The following FGF14 variants were observed in gnomAD, a reference collection of about 807,000 sequenced individuals.
FGF14 encodes fibroblast growth factor 14.
Under a neutral mutation model 25.5 loss-of-function variants are expected in FGF14, and 5 were observed. The ratio of observed to expected loss-of-function variants is 0.20; its 90% CI spans 0.10 to 0.41. The LOEUF is 0.41. FGF14 is among the 10% of genes least tolerant of loss of function. FGF14 has a pLI of 1.00. For synonymous variants in FGF14, 138 were observed against 118.3 expected (o/e 1.17, Z -1.08); for missense variants, 222 against 320.1 (o/e 0.69, Z 2.34).
Position 102,400,936 on chromosome 13 carries a change from G to A in FGF14, c.208+535C>T, listed in dbSNP as rs1009432986. ...TGCTCGGGCACCCGGAGCTGGACGG[G>A]GGAGGGACGCGGGGGCTGACGGAGG... On this transcript the variant is annotated intron_variant, in intron 1 of 4. Transcript: ENST00000376131. This position sits in a 1 kb window ranked among gnomAD's most constrained non-coding sequence, Gnocchi z 4.3. Among the ~76,000 whole-genome samples the A allele has an allele frequency of 6.6e-6, 1 of 152,138 alleles. No individual in the cohort carries two copies. The highest frequency in any genetic ancestry group is 1.5e-5 in the Non-Finnish European group (1 of 68,038).
In FGF14 at chr13:102,340,799, T is replaced by A. The variant is rs144729486; in HGVS notation, c.208+60672A>T. 8.1e-3 allele frequency among the ~76,000 whole-genome samples: 1,236 copies of A among 152,308 alleles called. 19 individuals are homozygous for A. The highest frequency in any genetic ancestry group is 0.028 in the African/African-American group (1,160 of 41,552). On this transcript the variant is annotated intron_variant, in intron 1 of 4. Coordinates refer to the FGF14 transcript ENST00000376131. The stretch of plus-strand genomic sequence containing the variant: ...CCATGATGAATGTACTTTCGTGGGC[T>A]TTCAGAGTTTGTAATAAAATGGCAA...
intron 3 of FGF14, among the ~76,000 whole-genome samples, chr13:101,745,634 A>G (rs1424839523): frequency 6.6e-6 from 1 of 152,092 alleles, no homozygotes; most frequent in Non-Finnish European, 1.5e-5. Context: ...AAGTAGGTCT[A>G]TTTAACTTAG....
intron 3 of FGF14, among the ~76,000 whole-genome samples, chr13:101,823,275 C>CAG (rs58201635): frequency 0.62 from 94,100 of 150,894 alleles, 29,391 homozygotes; most frequent in South Asian, 0.7. Context: ...GAGGAATTGA[C>CAG]ATTGTTTTCA....
intron 3 of FGF14, chr13:101,801,812 C>A: frequency 5.3e-6 from 1 of 189,906 alleles, no homozygotes; most frequent in South Asian, 1.0e-4. Flanking sequence ...TAGCTCAATG[C>A]TGGAGAGCAC....
In FGF14 at chr13:101,714,610, C is replaced by G. The variant is rs1291458132; in HGVS notation, c.*8221G>C. On this transcript the variant is annotated 3_prime_UTR_variant, in exon 5 of 5. Coordinates refer to ENST00000376143, the MANE Select transcript of FGF14 (RefSeq NM_004115.4). The stretch of plus-strand genomic sequence containing the variant: ...CACAGTTTGTTATAGAGCCAAGAGA[C>G]ACTCGTCATGCAATGCTTTAGGTGG... 2 of 1,014,180 alleles carry G rather than the reference C, an allele frequency of 2.0e-6. No individual in the cohort carries two copies. The highest frequency in any genetic ancestry group is 3.2e-5 in the African/African-American group (2 of 63,364). The allele number at this position is 1,014,180 out of a possible 1,614,324, so 62.8% of individuals were successfully genotyped here.
At chr13:101,871,915 C>T (rs2045113965) in intron 2 of FGF14, among the ~76,000 whole-genome samples, 1 of 151,746 alleles carries the variant, frequency 6.6e-6, no homozygotes, top group East Asian at 2.0e-4. Context: ...TGCTACTTTT[C>T]CTTCCCAGAG....
At chr13:101,777,640 G>A (rs1164272332) in intron 3 of FGF14, among the ~76,000 whole-genome samples, 2 of 152,146 alleles carry the variant, frequency 1.3e-5, no homozygotes, top group African/African-American at 4.8e-5. Context: ...TCTGCTATGT[G>A]CAGGAGAAAG....
In FGF14 at chr13:101,715,210, G is replaced by A; in HGVS notation, c.*7621C>T. On this transcript the variant is annotated 3_prime_UTR_variant, in exon 5 of 5. Transcript: ENST00000376143. The stretch of plus-strand genomic sequence containing the variant: ...ACTCTCTTCACGGATTACTTGGCCT[G>A]CCTCATGTTATGTCAAAGAGCCTTA... 5.0e-6 allele frequency: 1 copy of A among 200,816 alleles called. No homozygotes were observed. The highest frequency in any genetic ancestry group is 2.3e-5 in the African/African-American group (1 of 42,938). The allele number at this position is 200,816 out of a possible 1,614,324, so 12.4% of individuals were successfully genotyped here.
intron 1 of FGF14, among the ~76,000 whole-genome samples, chr13:102,123,117 C>G (rs1404813512): frequency 6.6e-6 from 1 of 152,146 alleles, no homozygotes; most frequent in African/African-American, 2.4e-5. Flanking sequence ...TAAGAATGAG[C>G]TGATTAAGAA....
chr13:102,322,517 A>T (rs556026920), intron 1 of FGF14, among the ~76,000 whole-genome samples: 1 of 151,956 alleles, frequency 6.6e-6, no homozygotes, highest in South Asian at 2.1e-4. Context: ...TACTGATTGG[A>T]CTCCTAAGAT....
At chr13:101,745,322 C>A (rs1447510309) in intron 3 of FGF14, among the ~76,000 whole-genome samples, 3 of 152,022 alleles carry the variant, frequency 2.0e-5, no homozygotes, top group Admixed American at 1.3e-4. Context: ...GAGTGGTATA[C>A]TTGTTGCAAT....
intron 1 of FGF14, among the ~76,000 whole-genome samples, chr13:101,934,947 C>G (rs1414131328): frequency 6.6e-6 from 1 of 152,068 alleles, no homozygotes; most frequent in African/African-American, 2.4e-5. Context: ...GTGTATAATA[C>G]AGTGTTGTTA....
At chr13:102,351,413 T>C (rs2057275969) in intron 1 of FGF14, among the ~76,000 whole-genome samples, 1 of 152,218 alleles carries the variant, frequency 6.6e-6, no homozygotes, top group Non-Finnish European at 1.5e-5. Flanking sequence ...AAATTATATT[T>C]TAATAGTTTT....
chr13:101,763,356 G>C lies in FGF14; in HGVS notation c.409-36546C>G, dbSNP rs561298630. The stretch of plus-strand genomic sequence containing the variant: ...TCTCAGGTGGCTGGAATGTACCACT[G>C]TCAATATGTAATGTACTCAACCCAT... On this transcript the variant is annotated intron_variant, in intron 3 of 4. Coordinates refer to ENST00000376143, the MANE Select transcript of FGF14 (RefSeq NM_004115.4). Among the ~76,000 whole-genome samples, 4 of 152,292 alleles carry C rather than the reference G, an allele frequency of 2.6e-5. No homozygotes were observed. In the South Asian group the frequency reaches 8.3e-4, roughly 32 times the overall value.
chr13:101,753,322 C>T (rs1364368831), intron 3 of FGF14, among the ~76,000 whole-genome samples: 1 of 151,742 alleles, frequency 6.6e-6, no homozygotes, highest in Admixed American at 6.6e-5. Flanking sequence ...CACACACACA[C>T]ACACACACGG....
chr13:102,280,244 A>T (rs2053761244), intron 1 of FGF14, among the ~76,000 whole-genome samples: 1 of 152,186 alleles, frequency 6.6e-6, no homozygotes, highest in South Asian at 2.1e-4. Flanking sequence ...TTATCTTTTT[A>T]AAATTATGTA....
chr13:102,352,929 A>C (rs2138990155), intron 1 of FGF14, among the ~76,000 whole-genome samples: 1 of 151,648 alleles, frequency 6.6e-6, no homozygotes, highest in Admixed American at 6.6e-5. Context: ...TCTAATTCTC[A>C]CTCCTCTTCC....
At chr13:101,992,832 G>T (rs1292868488) in intron 1 of FGF14, among the ~76,000 whole-genome samples, 1 of 151,818 alleles carries the variant, frequency 6.6e-6, no homozygotes, top group Non-Finnish European at 1.5e-5. Flanking sequence ...CCAGGAATTG[G>T]GGAATAATTA....
intron 1 of FGF14, among the ~76,000 whole-genome samples, chr13:102,238,660 T>C (rs2051440910): frequency 6.6e-6 from 1 of 152,252 alleles, no homozygotes; most frequent in Non-Finnish European, 1.5e-5. Context: ...AGAAGGCAGA[T>C]TCAAAGTATA....
Sources: gnomAD v4.1 joint callset for allele counts (sites outside exome capture counted in the v4.1 genomes callset) on GRCh38, gnomAD v4.1.1 for gene constraint, Gnocchi (gnomAD v3.1) non-coding constraint, MANE v1.5 for transcripts, NCBI Gene and HGNC (gene_info 2026-07-23, HGNC 2026-07-21) for gene names.